Variants in IL23R observed in about 807,000 individuals in gnomAD.
IL23R encodes the protein interleukin-23 receptor.
In IL23R, 34 loss-of-function variants were observed where a neutral mutation model predicts 56.9. The ratio of observed to expected loss-of-function variants is 0.60; its 90% CI spans 0.45 to 0.80. IL23R has a LOEUF of 0.80. IL23R is among the 30% of genes least tolerant of loss of function. The pLI, the probability that IL23R is intolerant of heterozygous loss-of-function variation, is 0.00. For synonymous variants in IL23R, 230 were observed against 249.2 expected (o/e 0.92, Z 0.73); for missense variants, 635 against 730.0 (o/e 0.87, Z 1.50).
chr1:67,229,696 G>T (rs77319898), intron 7 of IL23R, among the ~76,000 whole-genome samples: 4 of 152,066 alleles, frequency 2.6e-5, no homozygotes, highest in African/African-American at 4.8e-5. Context: ...TTACCACTTT[G>T]GGCATTCTAA....
At position 67,192,753 on chromosome 1, in the gene IL23R, C is replaced by A. The variant is rs78444282; in HGVS notation, c.492-7984C>A. 1.5e-4 allele frequency among the ~76,000 whole-genome samples: 23 copies of A among 152,252 alleles called. No individual in the cohort carries two copies. In the East Asian group the frequency reaches 3.1e-3, roughly 20 times the overall value. On this transcript the variant is annotated intron_variant, in intron 4 of 10. Transcript: ENST00000347310. The stretch of plus-strand genomic sequence containing the variant: ...GCCTTCATCTAATTGATCAGCAAAA[C>A]CTTCCGGCTCTATCTTTTAAAATGA...
intron 4 of IL23R, among the ~76,000 whole-genome samples, chr1:67,190,248 T>C (rs888507101): frequency 3.9e-5 from 6 of 152,232 alleles, no homozygotes; most frequent in African/African-American, 1.4e-4. Flanking sequence ...TATGGCAACA[T>C]AGGTGCCATC....
chr1:67,140,061 C>T (rs1278831886), intron 1 of IL23R, among the ~76,000 whole-genome samples: 7 of 152,192 alleles, frequency 4.6e-5, no homozygotes, highest in Non-Finnish European at 1.0e-4. Context: ...CAAGAAGTCC[C>T]TCACCAGATG....
chr1:67,207,961 A>G (rs552432531), intron 6 of IL23R, among the ~76,000 whole-genome samples: 2 of 152,354 alleles, frequency 1.3e-5, no homozygotes, highest in Admixed American at 1.3e-4. Flanking sequence ...GCTGATAGCA[A>G]TATGGACAAT....
intron 3 of IL23R, among the ~76,000 whole-genome samples, chr1:67,170,928 T>C (rs909796312): frequency 6.6e-6 from 1 of 152,164 alleles, no homozygotes; most frequent in Non-Finnish European, 1.5e-5. Context: ...CTATAGAAAG[T>C]TGTAGAGGTG....
At chr1:67,235,401 T>A (rs899208874) in intron 7 of IL23R, among the ~76,000 whole-genome samples, 1 of 151,722 alleles carries the variant, frequency 6.6e-6, no homozygotes, top group Non-Finnish European at 1.5e-5. Flanking sequence ...TTTTTCTTTT[T>A]TTTTTTTTGT....
At chr1:67,181,879 G>A (rs1312526165) in intron 3 of IL23R, among the ~76,000 whole-genome samples, 1 of 152,212 alleles carries the variant, frequency 6.6e-6, no homozygotes, top group African/African-American at 2.4e-5. Flanking sequence ...CAGGTCTGTT[G>A]GAGTTTGCTG....
intron 9 of IL23R, among the ~76,000 whole-genome samples, chr1:67,241,922 A>G (rs1283380383): frequency 6.6e-6 from 1 of 152,192 alleles, no homozygotes; most frequent in East Asian, 1.9e-4. Context: ...CTGAATCACT[A>G]TAATACCCGA....
intron 9 of IL23R, among the ~76,000 whole-genome samples, chr1:67,255,369 CA>C (rs1652882470): frequency 6.6e-6 from 1 of 152,124 alleles, no homozygotes; most frequent in South Asian, 2.1e-4. Flanking sequence ...GATAATGACA[CA>C]ATTTCCCACT....
downstream of IL23R, among the ~76,000 whole-genome samples, chr1:67,261,317 CTT>C (rs34805261): frequency 2.7e-4 from 35 of 131,500 alleles, no homozygotes; most frequent in East Asian, 4.4e-4. Flanking sequence ...AGAAATTTAT[CTT>C]TTTTTTTTTT....
intron 1 of IL23R, among the ~76,000 whole-genome samples, chr1:67,144,740 C>T (rs987761630): frequency 4.6e-5 from 7 of 151,686 alleles, no homozygotes; most frequent in African/African-American, 1.5e-4. Flanking sequence ...CTGGTATTCT[C>T]CAGGGTTCTC....
chr1:67,152,885 T>C (rs1646741154), intron 1 of IL23R, among the ~76,000 whole-genome samples: 1 of 152,230 alleles, frequency 6.6e-6, no homozygotes, highest in South Asian at 2.1e-4. Flanking sequence ...TTGATGTTCA[T>C]TAGGGATATT....
intron 6 of IL23R, among the ~76,000 whole-genome samples, chr1:67,218,350 G>GTATATATA (rs1224249825): frequency 1.2e-4 from 17 of 137,326 alleles, no homozygotes; most frequent in Admixed American, 4.3e-4. Context: ...GTGTGTGTGT[G>GTATATATA]TGTGTGTGTA....
Position 67,258,645 on chromosome 1 carries a change from C to G in IL23R, c.1407C>G (p.Phe469Leu), listed in dbSNP as rs1469538725. The G allele has an allele frequency of 1.9e-6, 3 of 1,613,826 alleles. No homozygotes were observed. Among genetic ancestry groups the G allele is most frequent in the Non-Finnish European group, 2.5e-6 (3 of 1,179,932 alleles). ...GAGACTACCCGCAAAACTCGCTATT[C>G]GACAATACTACAGTTGTATATATTC... ...ETRDYPQNSLFDNTTVVYIPD... is the reference protein window; with the variant it reads ...ETRDYPQNSLLDNTTVVYIPD... The change falls in exon 11 of 11, where the codon TTC (phenylalanine) becomes TTG (leucine). Residue 469 changes from phenylalanine to leucine, a missense_variant. By Grantham distance (22) the Phe-to-Leu change is conservative. Transcript: ENST00000347310.
chr1:67,259,186 C>T lies in IL23R; in HGVS notation c.*58C>T, dbSNP rs1413943867. 1 of 1,534,372 alleles carries T rather than the reference C, an allele frequency of 6.5e-7. No homozygotes were observed. The highest frequency in any genetic ancestry group is 9.0e-7 in the Non-Finnish European group (1 of 1,110,142). ...GCCTTGCAATCTGAACTTGGGTTTT[C>T]CCTGCAATAGAAATTGAATTCTGCC... On this transcript the variant is annotated 3_prime_UTR_variant, in exon 11 of 11. Transcript: ENST00000347310.
chr1:67,222,582 G>T (rs1650365877), intron 7 of IL23R, among the ~76,000 whole-genome samples: 1 of 151,906 alleles, frequency 6.6e-6, no homozygotes, highest in South Asian at 2.1e-4. Context: ...TAACTGCCTA[G>T]CAAGATTATG....
At chr1:67,201,857 A>G (rs917098171) in intron 5 of IL23R, among the ~76,000 whole-genome samples, 4 of 150,348 alleles carry the variant, frequency 2.7e-5, no homozygotes, top group Non-Finnish European at 5.9e-5. Context: ...TATTAATTTA[A>G]TCTATAGTTT....
At chr1:67,182,424 AC>A (rs1355984264) in intron 3 of IL23R, among the ~76,000 whole-genome samples, 2 of 152,162 alleles carry the variant, frequency 1.3e-5, no homozygotes, top group East Asian at 3.9e-4. Context: ...TGGGCATAGG[AC>A]CCTCTGAGCC....
chr1:67,181,408 C>G (rs1406567626), intron 3 of IL23R, among the ~76,000 whole-genome samples: 1 of 152,214 alleles, frequency 6.6e-6, no homozygotes, highest in African/African-American at 2.4e-5. Flanking sequence ...GATACCCTGT[C>G]TTCCAGTTGA....
Sources: allele counts gnomAD v4.1 joint callset (sites outside exome capture counted in the v4.1 genomes callset), GRCh38; gene constraint gnomAD v4.1.1; transcripts MANE v1.5; gene names NCBI Gene and HGNC (gene_info 2026-07-23, HGNC 2026-07-21).